Variants in CNPY1 observed in about 807,000 individuals in gnomAD.
CNPY1 encodes the protein protein canopy homolog 1.
CNPY1 carries 14 observed loss-of-function variants against 14.4 expected under a neutral mutation model. The observed-to-expected ratio is 0.97, with a 90% confidence interval of 0.64 to 1.52. The LOEUF (loss-of-function observed/expected upper bound fraction) is 1.52. Ranked by LOEUF, CNPY1 falls within the 40% of genes most tolerant of loss-of-function variation. CNPY1 has a pLI of 0.00. For synonymous variants in CNPY1, 43 were observed against 46.5 expected (o/e 0.92, Z 0.31); for missense variants, 129 against 131.5 (o/e 0.98, Z 0.09).
intron 2 of CNPY1, among the ~76,000 whole-genome samples, chr7:155,539,349 C>A (rs1797058555): frequency 6.6e-6 from 1 of 152,218 alleles, no homozygotes; most frequent in Non-Finnish European, 1.5e-5. Context: ...AACATACTTT[C>A]CTTTTCTATA....
chr7:155,518,999 C>T lies in CNPY1; in HGVS notation c.100-9902G>A, dbSNP rs551967061. Among the ~76,000 whole-genome samples the T allele has an allele frequency of 3.3e-5, 5 of 152,308 alleles. No individual in the cohort carries two copies. In the South Asian group the frequency reaches 6.2e-4, roughly 19 times the overall value. On this transcript the variant is annotated intron_variant, in intron 2 of 4. Transcript: ENST00000636446. ...AAATGGGTTTCAATGCTTAACACACCGCATCTTATCCTGGCTGCAAAATTT... is the reference window on the plus strand; with the variant it reads ...AAATGGGTTTCAATGCTTAACACACTGCATCTTATCCTGGCTGCAAAATTT...
chr7:155,528,435 G>T (rs1796869756), intron 2 of CNPY1, among the ~76,000 whole-genome samples: 1 of 152,250 alleles, frequency 6.6e-6, no homozygotes, highest in South Asian at 2.1e-4. Flanking sequence ...TCTGTCCCAG[G>T]TTAAGCTACG....
intron 2 of CNPY1, among the ~76,000 whole-genome samples, chr7:155,524,072 G>A (rs1199759048): frequency 6.6e-6 from 1 of 152,182 alleles, no homozygotes; most frequent in Non-Finnish European, 1.5e-5. Context: ...CTGGACTTCT[G>A]GCCTTTGCCC....
rs556082952 is a variant in CNPY1 at position 155,536,154 on chromosome 7, G to A, written c.99+9677C>T. On this transcript the variant is annotated intron_variant, in intron 2 of 4. Coordinates refer to ENST00000636446, the MANE Select transcript of CNPY1 (RefSeq NM_001393663.1). The surrounding 1 kb of genome is among the most constrained non-coding windows in gnomAD (Gnocchi z 4.1). ...CAGGTGCCATTTGAAATGGGATGCT[G>A]TAAATCCATGGCATGCAGTGGTGAA... Among the ~76,000 whole-genome samples, 2 of 152,164 alleles carry A rather than the reference G, an allele frequency of 1.3e-5. No homozygotes were observed. Among genetic ancestry groups the A allele is most frequent in the South Asian group, 4.1e-4 (2 of 4,824 alleles).
rs548864904 is a variant in CNPY1 at position 155,545,357 on chromosome 7, T to C, written c.99+474A>G. Among the ~76,000 whole-genome samples, 244 of 152,264 alleles carry C rather than the reference T, an allele frequency of 1.6e-3. 3 individuals are homozygous for C. The highest frequency in any genetic ancestry group is 1.0e-3 in the Non-Finnish European group (69 of 68,020). On this transcript the variant is annotated intron_variant, in intron 2 of 4. Transcript: ENST00000636446. ...TCCTCAGGGGGAGCCCCTCTCTAGG[T>C]TGTGCAAGAACGTTTCTTCCTTCTC...
Position 155,508,950 on chromosome 7 carries a change from G to T in CNPY1, c.247C>A (p.Gln83Lys). The change falls in exon 3 of 5, where the codon CAA becomes AAA. Residue 83 changes from glutamine to lysine, a missense_variant. By Grantham distance (53) the Gln-to-Lys change is moderately conservative (BLOSUM62 1). Transcript: ENST00000636446. The stretch of plus-strand genomic sequence containing the variant: ...TAAAAATACAATTTTTTAAATTCTT[G>T]GTATATTTTGTCTCCTTTCCTAGGA... ...FAPRKGDKIY[Q>K]EFKKLYFYSD... The T allele has an allele frequency of 3.7e-6, 6 of 1,613,528 alleles. No individual in the cohort carries two copies. Among genetic ancestry groups the T allele is most frequent in the Non-Finnish European group, 5.1e-6 (6 of 1,179,646 alleles).
At chr7:155,542,804 C>T (rs1000250618) in intron 2 of CNPY1, among the ~76,000 whole-genome samples, 2 of 152,228 alleles carry the variant, frequency 1.3e-5, no homozygotes, top group Non-Finnish European at 2.9e-5. Flanking sequence ...TCTCTGGGGG[C>T]CTCCTTTGAC....
intron 2 of CNPY1, among the ~76,000 whole-genome samples, chr7:155,541,984 A>G (rs926909738): frequency 6.8e-6 from 1 of 147,412 alleles, no homozygotes; most frequent in Non-Finnish European, 1.5e-5. Flanking sequence ...GGGAAGTTCT[A>G]CTGGAAGGCA....
chr7:155,534,730 C>T (rs895183344), intron 2 of CNPY1, among the ~76,000 whole-genome samples: 3 of 152,192 alleles, frequency 2.0e-5, no homozygotes, highest in African/African-American at 4.8e-5. Context: ...GAGACTGGAA[C>T]GTAATGGGAC....
intron 2 of CNPY1, among the ~76,000 whole-genome samples, chr7:155,524,125 C>T (rs542753129): frequency 6.6e-6 from 1 of 152,294 alleles, no homozygotes; most frequent in South Asian, 2.1e-4. Flanking sequence ...GATTGTAGTG[C>T]TTAGTTATGG....
At chr7:155,511,792 C>G (rs1351208083) in intron 2 of CNPY1, among the ~76,000 whole-genome samples, 2 of 152,180 alleles carry the variant, frequency 1.3e-5, no homozygotes, top group East Asian at 3.8e-4. Flanking sequence ...GAGTGGAGTT[C>G]ATTTTTGCAG....
rs747758043 is a variant in CNPY1 at position 155,509,032 on chromosome 7, G to A, written c.165C>T (p.Asn55=). ...DLLEKVCERM[N]DYKLEEDPVT... The stretch of plus-strand genomic sequence containing the variant: ...CAGGGTCTTCCTCAAGCTTGTAGTC[G>A]TTCATTCGCTCACAGACTTTCTCCA... Residue 55 remains asparagine, a synonymous_variant, in exon 3 of 5, where the codon AAC becomes AAT. Transcript: ENST00000636446. 2 of 1,612,238 alleles carry A rather than the reference G, an allele frequency of 1.2e-6. No homozygotes were observed. Among genetic ancestry groups the A allele is most frequent in the East Asian group, 2.2e-5 (1 of 44,864 alleles).
At chr7:155,528,871 T>G (rs568557445) in intron 2 of CNPY1, among the ~76,000 whole-genome samples, 55 of 152,186 alleles carry the variant, frequency 3.6e-4, no homozygotes, top group African/African-American at 1.1e-3. Context: ...CCATCCTGGC[T>G]AACATGATGA....
chr7:155,506,033 G>A (rs1272421914), intron 4 of CNPY1, among the ~76,000 whole-genome samples: 1 of 152,152 alleles, frequency 6.6e-6, no homozygotes, highest in African/African-American at 2.4e-5. Flanking sequence ...GGAGATTTGT[G>A]TACTTCTTGT....
At chr7:155,515,588 G>T (rs1279829721) in intron 2 of CNPY1, among the ~76,000 whole-genome samples, 1 of 152,148 alleles carries the variant, frequency 6.6e-6, no homozygotes. Context: ...GTGGAGGGTG[G>T]AGGGAGAGAC....
At chr7:155,523,567 G>A (rs1181029585) in intron 2 of CNPY1, among the ~76,000 whole-genome samples, 2 of 152,160 alleles carry the variant, frequency 1.3e-5, no homozygotes, top group Non-Finnish European at 2.9e-5. Flanking sequence ...AGGGACCGGA[G>A]CAACACGGGG....
chr7:155,521,748 C>T lies in CNPY1; in HGVS notation c.100-12651G>A, dbSNP rs148321593. On this transcript the variant is annotated intron_variant, in intron 2 of 4. Coordinates refer to ENST00000636446, the MANE Select transcript of CNPY1 (RefSeq NM_001393663.1). The stretch of plus-strand genomic sequence containing the variant: ...CATAAAGTTTCGTGGGACACAGCTG[C>T]GCCCACATTTGCGTACTGTCCCCAG... 1.8e-3 allele frequency among the ~76,000 whole-genome samples: 274 copies of T among 152,358 alleles called. 3 individuals carry two copies. The highest frequency in any genetic ancestry group is 6.2e-3 in the African/African-American group (259 of 41,584).
chr7:155,540,289 G>A (rs763763143), intron 2 of CNPY1, among the ~76,000 whole-genome samples: 22 of 152,130 alleles, frequency 1.4e-4, no homozygotes, highest in Non-Finnish European at 2.6e-4. Context: ...TCAAGTGCTC[G>A]GCTTTGCCAA....
rs1461730346 is a variant in CNPY1 at position 155,507,097 on chromosome 7, T to A, written c.323A>T (p.Glu108Val). The A allele has an allele frequency of 1.2e-6, 2 of 1,604,750 alleles. No individual in the cohort carries two copies. Among genetic ancestry groups the A allele is most frequent in the Admixed American group, 1.7e-5 (1 of 59,934 alleles). Residue 108 changes from glutamate (E) to valine (V), a missense_variant, in exon 4 of 5, where the codon GAG (glutamate) becomes GTG (valine). By Grantham distance (121) the Glu-to-Val change is moderately radical. Coordinates refer to ENST00000636446, the MANE Select transcript of CNPY1 (RefSeq NM_001393663.1). ...AAGTGAGGATATTTCATCTTCATAC[T>A]CTTCTATTATAGTTTCACACTGTAG... ...LKFACETIIE[E>V]YEDEISSLIA...
Sources: allele counts gnomAD v4.1 joint callset (sites outside exome capture counted in the v4.1 genomes callset), GRCh38; gene constraint gnomAD v4.1.1; non-coding constraint Gnocchi (gnomAD v3.1); transcripts MANE v1.5; gene names NCBI Gene and HGNC (gene_info 2026-07-23, HGNC 2026-07-21).